GPSM2: variants seen among roughly 807,000 people sequenced by gnomAD.
GPSM2 encodes G protein signaling modulator 2, also known as G protein-signaling modulator 2.
A neutral mutation model predicts 78.4 loss-of-function variants in GPSM2; 58 were observed. The observed-to-expected ratio is 0.74, with a 90% CI of 0.60 to 0.92. The LOEUF is 0.92. Ranked by LOEUF, GPSM2 falls within the 40% of genes least tolerant of loss-of-function variation. The pLI is 0.00. For missense variants in GPSM2, 700 were observed against 815.5 expected, an observed-to-expected ratio of 0.86 and a Z score of 1.73; for synonymous variants, 224 against 280.2, an observed-to-expected ratio of 0.80 and a Z score of 2.00.
rs548005693 is a variant in GPSM2, at chr1:108,931,431, C to G, written c.*1491C>G. The G allele has an allele frequency of 6.4e-7, 1 of 1,550,974 alleles. No homozygotes were observed. Among genetic ancestry groups the G allele is most frequent in the South Asian group, 1.2e-5 (1 of 84,060 alleles). On this transcript the variant is annotated 3_prime_UTR_variant, in exon 15 of 15. Transcript: ENST00000264126. The stretch of plus-strand genomic sequence containing the variant: ...CTGGATCACAGACTGCAAAGGCCCA[C>G]GCTTGGAACAAGTTGCCAACTTGTT...
chr1:108,920,152 G>C (rs1490996812), intron 12 of GPSM2, among the ~76,000 whole-genome samples: 1 of 151,494 alleles, frequency 6.6e-6, no homozygotes, highest in Non-Finnish European at 1.5e-5. Context: ...GGGTGACAGA[G>C]TGAGACCCCA....
Position 108,931,299 on chromosome 1 carries a change from C to T in GPSM2, c.*1359C>T. 1 of 1,531,354 alleles carries T rather than the reference C, an allele frequency of 6.5e-7. No homozygotes were observed. Among genetic ancestry groups the T allele is most frequent in the South Asian group, 1.2e-5 (1 of 81,460 alleles). 94.9% of individuals were successfully genotyped at this position (1,531,354 alleles called of 1,614,324 possible). A position where few individuals can be genotyped will look rare whatever the true frequency, so the allele number is the denominator to read the frequency against. ...AACCTTAGTTGTCATTAAGCTTTGTCTTCCTTATCCCAGATATTGAAGGCA... is the reference window on the plus strand; with the variant it reads ...AACCTTAGTTGTCATTAAGCTTTGTTTTCCTTATCCCAGATATTGAAGGCA... On this transcript the variant is annotated 3_prime_UTR_variant, in exon 15 of 15. Coordinates refer to ENST00000264126, the MANE Select transcript of GPSM2 (RefSeq NM_013296.5).
intron 9 of GPSM2, 70 bp from the exon 10 acceptor site, chr1:108,904,055 C>G (rs1375189474): frequency 1.9e-6 from 2 of 1,059,316 alleles, no homozygotes; most frequent in African/African-American, 1.6e-5. Flanking sequence ...AGGTTCACTA[C>G]ATTTACAAAT....
chr1:108,886,280 A>G (rs987731119), intron 2 of GPSM2, among the ~76,000 whole-genome samples: 10 of 152,352 alleles, frequency 6.6e-5, no homozygotes, highest in African/African-American at 2.2e-4. Context: ...ATATAAATAC[A>G]TTATTATTAA....
At chr1:108,879,288 A>G (rs1665778006) in intron 1 of GPSM2, among the ~76,000 whole-genome samples, 1 of 152,180 alleles carries the variant, frequency 6.6e-6, no homozygotes, top group Non-Finnish European at 1.5e-5. Context: ...GCCTCGTCAT[A>G]ATTCCTGTCT....
chr1:108,907,791 TTAGG>T (rs1245604951), intron 10 of GPSM2, among the ~76,000 whole-genome samples: 14 of 152,158 alleles, frequency 9.2e-5, no homozygotes, highest in African/African-American at 3.4e-4. Flanking sequence ...GCAAGAGAGG[TTAGG>T]TAAATTTCCC....
chr1:108,878,810 T>C (rs1665752817), intron 1 of GPSM2, among the ~76,000 whole-genome samples: 1 of 152,252 alleles, frequency 6.6e-6, no homozygotes, highest in African/African-American at 2.4e-5. Context: ...TTATAAATCA[T>C]GTCTGTAATT....
At chr1:108,888,286 G>A (rs1309179625) in intron 2 of GPSM2, among the ~76,000 whole-genome samples, 1 of 151,840 alleles carries the variant, frequency 6.6e-6, no homozygotes, top group Admixed American at 6.6e-5. Context: ...TCCTGACCTC[G>A]GGTGATCCAC....
In GPSM2 at chr1:108,885,430, C is replaced by T. The variant is rs1011687752; in HGVS notation, c.-93C>T. ...AACACCAACTCATTAATATACTAAC[C>T]GGACAATGTTCTACAAACAATTCTA... On this transcript the variant is annotated 5_prime_UTR_variant, in exon 2 of 15. Transcript: ENST00000264126. 98 of 742,656 alleles carry T rather than the reference C, an allele frequency of 1.3e-4. No homozygotes were observed. In the East Asian group the frequency reaches 1.5e-3, roughly 12 times the overall value. 46.0% of individuals were successfully genotyped at this position (742,656 alleles called of 1,614,324 possible). A position where few individuals can be genotyped will look rare whatever the true frequency, so the allele number is the denominator to read the frequency against.
At chr1:108,928,417 C>T (rs1194728055) in intron 14 of GPSM2, among the ~76,000 whole-genome samples, 4 of 152,158 alleles carry the variant, frequency 2.6e-5, no homozygotes, top group African/African-American at 4.8e-5. Context: ...TTGAAATTAT[C>T]AATTTATGAC....
chr1:108,931,617 A>T lies in GPSM2; in HGVS notation c.*1677A>T. ...GTCATAACCTGGAATTAATTACATT[A>T]AGTGCTCAGCTAAAAAAAAAAAAAA... On this transcript the variant is annotated 3_prime_UTR_variant, in exon 15 of 15. Coordinates refer to ENST00000264126, the MANE Select transcript of GPSM2 (RefSeq NM_013296.5). The T allele has an allele frequency of 8.2e-7, 1 of 1,222,314 alleles. No homozygotes were observed. The highest frequency in any genetic ancestry group is 1.1e-6 in the Non-Finnish European group (1 of 933,778). The allele number at this position is 1,222,314 out of a possible 1,614,324, so 75.7% of individuals were successfully genotyped here.
At chr1:108,915,770 A>T (rs149564891) in intron 11 of GPSM2, among the ~76,000 whole-genome samples, 15 of 151,962 alleles carry the variant, frequency 9.9e-5, no homozygotes, top group Admixed American at 7.9e-4. Context: ...GTATATTTTT[A>T]AAAATGCTTT....
intron 10 of GPSM2, among the ~76,000 whole-genome samples, chr1:108,908,086 C>G (rs1314856042): frequency 1.3e-5 from 2 of 152,196 alleles, no homozygotes; most frequent in Non-Finnish European, 2.9e-5. Context: ...AATACACATA[C>G]AGGGGCCGGG....
intron 2 of GPSM2, among the ~76,000 whole-genome samples, chr1:108,893,401 C>T (rs940631180): frequency 2.8e-4 from 42 of 152,308 alleles, no homozygotes; most frequent in Admixed American, 2.6e-4. Flanking sequence ...GATGCGCCAT[C>T]ATTAGTAATC....
At chr1:108,897,730 A>T in intron 4 of GPSM2, 103 bp downstream of exon 4, 1 of 1,126,112 alleles carries the variant, frequency 8.9e-7, no homozygotes, top group Admixed American at 2.6e-5. Context: ...AATTAATACC[A>T]AAAAAGAAAA....
At chr1:108,885,627 G>C in intron 2 of GPSM2, 49 bp downstream of exon 2, 1 of 1,125,936 alleles carries the variant, frequency 8.9e-7, no homozygotes, top group Non-Finnish European at 1.4e-6. Flanking sequence ...TTATTTTAAA[G>C]TGTTTTTAAC....
intron 2 of GPSM2, among the ~76,000 whole-genome samples, chr1:108,895,665 C>T (rs1648300749): frequency 6.6e-6 from 1 of 152,148 alleles, no homozygotes; most frequent in Non-Finnish European, 1.5e-5. Flanking sequence ...TCTCCAGTCA[C>T]ACCCAGAGGA....
chr1:108,889,765 T>C (rs1215670945), intron 2 of GPSM2, among the ~76,000 whole-genome samples: 1 of 152,108 alleles, frequency 6.6e-6, no homozygotes, highest in East Asian at 1.9e-4. Context: ...ACTAGTGGGC[T>C]CAATCTCAAA....
At chr1:108,909,120 T>C (rs999016943) in intron 10 of GPSM2, among the ~76,000 whole-genome samples, 2 of 152,086 alleles carry the variant, frequency 1.3e-5, no homozygotes, top group Non-Finnish European at 2.9e-5. Flanking sequence ...GCCTGGGCAA[T>C]AGAGAAAAAC....
Sources: allele counts gnomAD v4.1 joint callset (sites outside exome capture counted in the v4.1 genomes callset), GRCh38; gene constraint gnomAD v4.1.1; transcripts MANE v1.5; gene names NCBI Gene and HGNC (gene_info 2026-07-23, HGNC 2026-07-21).